HMGCLL1: variants seen among roughly 807,000 people sequenced by gnomAD.
HMGCLL1 encodes 3-hydroxymethyl-3-methylglutaryl-CoA lyase, cytoplasmic.
A neutral mutation model predicts 39.1 loss-of-function variants in HMGCLL1; 36 were observed. The ratio of observed to expected loss-of-function variants is 0.92; its 90% CI spans 0.71 to 1.22. HMGCLL1 has a LOEUF of 1.22. Among genes scored for constraint, HMGCLL1 ranks in the 50% most tolerant of loss-of-function variants. HMGCLL1 has a pLI of 0.00. For synonymous variants in HMGCLL1, 149 were observed against 144.0 expected (o/e 1.03, Z -0.25); for missense variants, 451 against 416.5 (o/e 1.08, Z -0.72).
intron 6 of HMGCLL1, among the ~76,000 whole-genome samples, chr6:55,498,176 G>T (rs532582079): frequency 4.7e-4 from 72 of 152,226 alleles, no homozygotes; most frequent in Admixed American, 2.0e-3. Flanking sequence ...CAAGTCTGCT[G>T]GTAAGCAAAG....
chr6:55,675,855 TTGTG>T, the HMGCLL1 span, among the ~76,000 whole-genome samples: 1 of 152,102 alleles, frequency 6.6e-6, no homozygotes, highest in South Asian at 2.1e-4. Context: ...TTCTTTGTGT[TTGTG>T]TGTGTGTGCT....
chr6:55,552,399 G>A (rs115933653), intron 1 of HMGCLL1, among the ~76,000 whole-genome samples: 2,346 of 151,982 alleles, frequency 0.015, 93 homozygotes, highest in African/African-American at 0.054. Context: ...TATCCAGGTA[G>A]AAACTATTAT....
chr6:55,655,065 A>T, the HMGCLL1 span, among the ~76,000 whole-genome samples: 2 of 151,912 alleles, frequency 1.3e-5, no homozygotes, highest in African/African-American at 4.8e-5. Flanking sequence ...CATATTATAA[A>T]TGTTTTTTCT....
intron 3 of HMGCLL1, among the ~76,000 whole-genome samples, chr6:55,530,612 T>C (rs976293202): frequency 2.0e-5 from 3 of 152,136 alleles, no homozygotes; most frequent in African/African-American, 7.2e-5. Context: ...TTTTCTTTTA[T>C]CAAATGTAAA....
the HMGCLL1 span, among the ~76,000 whole-genome samples, chr6:55,629,209 G>C: frequency 6.6e-6 from 1 of 152,284 alleles, no homozygotes; most frequent in African/African-American, 2.4e-5. Context: ...TCCAGGCAGA[G>C]GTGGTCTCAG....
chr6:55,626,218 T>A, the HMGCLL1 span, among the ~76,000 whole-genome samples: 1 of 152,098 alleles, frequency 6.6e-6, no homozygotes, highest in African/African-American at 2.4e-5. Context: ...GAATAGACAC[T>A]CCAGATATGG....
intron 3 of HMGCLL1, among the ~76,000 whole-genome samples, chr6:55,539,954 A>ATG (rs1269021941): frequency 7.1e-5 from 2 of 28,110 alleles, no homozygotes; most frequent in Non-Finnish European, 1.3e-4. Context: ...GGAAGGAAGG[A>ATG]AGGAAGGAAG....
At chr6:55,548,959 GA>G (rs1770151921) in intron 1 of HMGCLL1, among the ~76,000 whole-genome samples, 1 of 151,590 alleles carries the variant, frequency 6.6e-6, no homozygotes, top group Non-Finnish European at 1.5e-5. Flanking sequence ...ATTCAAAACA[GA>G]AAAACTTCTA....
intron 1 of HMGCLL1, 137 bp downstream of exon 1, chr6:55,578,811 C>G: frequency 1.5e-6 from 1 of 672,876 alleles, no homozygotes; most frequent in Non-Finnish European, 2.7e-6. Flanking sequence ...CGGCCTAACA[C>G]GACAGAACTG....
the HMGCLL1 span, among the ~76,000 whole-genome samples, chr6:55,643,105 C>T: frequency 2.1e-4 from 32 of 152,026 alleles, no homozygotes; most frequent in African/African-American, 6.0e-4. Context: ...TGAACATACA[C>T]GTACATGTAT....
the HMGCLL1 span, among the ~76,000 whole-genome samples, chr6:55,662,119 C>T: frequency 6.6e-6 from 1 of 151,906 alleles, no homozygotes; most frequent in South Asian, 2.1e-4. Flanking sequence ...GATATAGAAT[C>T]ATGTTGTCTC....
the HMGCLL1 span, among the ~76,000 whole-genome samples, chr6:55,659,058 A>G: frequency 2.8e-4 from 43 of 152,054 alleles, no homozygotes; most frequent in South Asian, 8.1e-3. Context: ...GATTTAGCAT[A>G]ATGTTAGCAC....
chr6:55,662,641 T>A, the HMGCLL1 span, among the ~76,000 whole-genome samples: 1 of 151,678 alleles, frequency 6.6e-6, no homozygotes, highest in Non-Finnish European at 1.5e-5. Flanking sequence ...GGCTTGAAAT[T>A]TTCTTGTGTT....
At chr6:55,543,302 T>TA (rs1769664320) in intron 1 of HMGCLL1, among the ~76,000 whole-genome samples, 1 of 15,780 alleles carries the variant, frequency 6.3e-5, no homozygotes, top group Non-Finnish European at 1.2e-4. Flanking sequence ...ATATATCATA[T>TA]ATGATATATA....
At chr6:55,562,416 A>G (rs1016375043) in intron 1 of HMGCLL1, among the ~76,000 whole-genome samples, 8 of 152,120 alleles carry the variant, frequency 5.3e-5, no homozygotes, top group Admixed American at 5.2e-4. Context: ...TGAAAGAAAC[A>G]CACACACAGA....
chr6:55,469,233 T>C (rs1421558608), intron 7 of HMGCLL1, among the ~76,000 whole-genome samples: 1 of 151,014 alleles, frequency 6.6e-6, no homozygotes, highest in East Asian at 1.9e-4. Context: ...TTGTTGATCT[T>C]GAAGCCTGAC....
intron 3 of HMGCLL1, among the ~76,000 whole-genome samples, chr6:55,536,504 A>C (rs1299453317): frequency 6.6e-6 from 1 of 152,232 alleles, no homozygotes; most frequent in Non-Finnish European, 1.5e-5. Context: ...TACAGTTTAA[A>C]TAGCTTACTA....
At chr6:55,510,861 ATTT>A (rs1186190953) in intron 5 of HMGCLL1, among the ~76,000 whole-genome samples, 2 of 151,244 alleles carry the variant, frequency 1.3e-5, no homozygotes, top group East Asian at 3.9e-4. Context: ...ATTTATAATC[ATTT>A]TAACCATGAA....
chr6:55,524,356 T>A (rs189804324), intron 3 of HMGCLL1, among the ~76,000 whole-genome samples: 1 of 151,616 alleles, frequency 6.6e-6, no homozygotes, highest in Non-Finnish European at 1.5e-5. Flanking sequence ...GAGATATTTG[T>A]AATATGTGTT....
Sources: allele counts gnomAD v4.1 joint callset (sites outside exome capture counted in the v4.1 genomes callset), GRCh38; gene constraint gnomAD v4.1.1; transcripts MANE v1.5; gene names NCBI Gene and HGNC (gene_info 2026-07-23, HGNC 2026-07-21).